The following MACROD2 variants were observed in gnomAD, a reference collection of about 807,000 sequenced individuals.
MACROD2 encodes the protein mono-ADP ribosylhydrolase 2.
In MACROD2, 36 loss-of-function variants were observed where a neutral mutation model predicts 70.4. The observed-to-expected ratio is 0.51, with a 90% CI of 0.39 to 0.68. The LOEUF (loss-of-function observed/expected upper bound fraction) is 0.68. Among genes scored for constraint, MACROD2 ranks in the 30% least tolerant of loss-of-function variants. The pLI is 0.00. For missense variants in MACROD2, 496 were observed against 538.4 expected (o/e 0.92, Z 0.78); for synonymous variants, 172 against 178.8 (o/e 0.96, Z 0.30).
chr20:15,067,714 T>A (rs1291365197), intron 5 of MACROD2, among the ~76,000 whole-genome samples: 1 of 152,206 alleles, frequency 6.6e-6, no homozygotes, highest in Non-Finnish European at 1.5e-5. Flanking sequence ...AAACATGGCA[T>A]ACACATTGTA....
chr20:14,753,203 A>G (rs1404101531), intron 5 of MACROD2, among the ~76,000 whole-genome samples: 1 of 152,112 alleles, frequency 6.6e-6, no homozygotes, highest in Admixed American at 6.5e-5. Context: ...ACATGCCTCT[A>G]CTATACACCA....
intron 4 of MACROD2, among the ~76,000 whole-genome samples, chr20:14,525,986 A>G (rs1371146777): frequency 2.0e-5 from 3 of 152,142 alleles, no homozygotes; most frequent in Non-Finnish European, 4.4e-5. Flanking sequence ...CATAAAATTG[A>G]TTTCTAAGGG....
At chr20:15,674,116 A>G (rs1397731784) in intron 8 of MACROD2, among the ~76,000 whole-genome samples, 1 of 152,196 alleles carries the variant, frequency 6.6e-6, no homozygotes, top group Non-Finnish European at 1.5e-5. Flanking sequence ...CTGCGTTTCT[A>G]ACAATCTCAG....
chr20:14,473,670 T>C (rs570703024), intron 3 of MACROD2, among the ~76,000 whole-genome samples: 3 of 152,332 alleles, frequency 2.0e-5, no homozygotes. Context: ...TACCTAGAAG[T>C]AGGATTAAAG....
At chr20:14,956,175 C>A (rs2074535315) in intron 5 of MACROD2, among the ~76,000 whole-genome samples, 1 of 152,026 alleles carries the variant, frequency 6.6e-6, no homozygotes, top group South Asian at 2.1e-4. Context: ...GGAAAAAAGC[C>A]TTGTTTACTT....
chr20:15,708,852 T>G (rs879448262), intron 8 of MACROD2, among the ~76,000 whole-genome samples: 1 of 151,650 alleles, frequency 6.6e-6, no homozygotes, highest in Non-Finnish European at 1.5e-5. Flanking sequence ...TAGCAAGACC[T>G]CATCTCTACA....
intron 5 of MACROD2, among the ~76,000 whole-genome samples, chr20:15,041,301 T>C (rs1186175077): frequency 6.6e-6 from 1 of 152,188 alleles, no homozygotes; most frequent in African/African-American, 2.4e-5. Flanking sequence ...ATATTCTTCA[T>C]AATATTAACA....
chr20:15,805,118 T>G (rs2063757473), intron 8 of MACROD2, among the ~76,000 whole-genome samples: 1 of 152,174 alleles, frequency 6.6e-6, no homozygotes, highest in Non-Finnish European at 1.5e-5. Flanking sequence ...TATACTTAAA[T>G]CTGTGTCTTT....
At chr20:16,031,666 A>C (rs1394675126) in intron 15 of MACROD2, among the ~76,000 whole-genome samples, 1 of 152,144 alleles carries the variant, frequency 6.6e-6, no homozygotes, top group African/African-American at 2.4e-5. Flanking sequence ...ATGCTCATCG[A>C]TATATAGTAA....
intron 5 of MACROD2, among the ~76,000 whole-genome samples, chr20:14,818,229 G>T (rs1293835642): frequency 6.6e-6 from 1 of 152,208 alleles, no homozygotes; most frequent in East Asian, 1.9e-4. Context: ...GCACAGTCAG[G>T]GTAATGGGCA....
At chr20:15,523,924 C>T (rs888477790) in intron 8 of MACROD2, among the ~76,000 whole-genome samples, 3 of 152,110 alleles carry the variant, frequency 2.0e-5, no homozygotes, top group East Asian at 3.9e-4. Flanking sequence ...GCACCAGCCT[C>T]GTGATCTAGG....
chr20:16,022,489 A>G (rs2067017023), intron 15 of MACROD2, among the ~76,000 whole-genome samples: 1 of 152,208 alleles, frequency 6.6e-6, no homozygotes, highest in African/African-American at 2.4e-5. Flanking sequence ...CAGTAAGCCA[A>G]TGACTCTCAA....
At chr20:14,191,765 G>C (rs1361200408) in intron 3 of MACROD2, among the ~76,000 whole-genome samples, 1 of 152,234 alleles carries the variant, frequency 6.6e-6, no homozygotes, top group Non-Finnish European at 1.5e-5. Flanking sequence ...GTGTGTGTAT[G>C]CTTGGCATGT....
intron 5 of MACROD2, among the ~76,000 whole-genome samples, chr20:15,068,671 G>A (rs2075596110): frequency 6.6e-6 from 1 of 152,116 alleles, no homozygotes; most frequent in African/African-American, 2.4e-5. Context: ...TAAGCTTCCT[G>A]AAGCTTCATC....
At chr20:15,978,527 G>A (rs189136442) in intron 13 of MACROD2, among the ~76,000 whole-genome samples, 244 of 151,998 alleles carry the variant, frequency 1.6e-3, no homozygotes, top group Admixed American at 7.8e-3. Flanking sequence ...GGCTGCCTCC[G>A]CTGACTGTGG....
chr20:15,516,277 T>C (rs905584682), intron 8 of MACROD2, among the ~76,000 whole-genome samples: 4 of 152,208 alleles, frequency 2.6e-5, no homozygotes, highest in Non-Finnish European at 5.9e-5. Context: ...AACCTGTTTC[T>C]GAAAGGAAAA....
At chr20:15,220,847 C>A (rs1209711115) in intron 5 of MACROD2, among the ~76,000 whole-genome samples, 1 of 152,162 alleles carries the variant, frequency 6.6e-6, no homozygotes, top group Non-Finnish European at 1.5e-5. Context: ...AGTCATGGAA[C>A]AATTGCCCTA....
intron 5 of MACROD2, among the ~76,000 whole-genome samples, chr20:14,728,683 A>T (rs1258209221): frequency 1.3e-5 from 2 of 151,508 alleles, no homozygotes; most frequent in Admixed American, 6.6e-5. Flanking sequence ...TTATTTATTT[A>T]AAAAAATTAG....
intron 12 of MACROD2, among the ~76,000 whole-genome samples, chr20:15,948,532 C>A (rs2065861083): frequency 6.6e-6 from 1 of 150,464 alleles, no homozygotes; most frequent in Non-Finnish European, 1.5e-5. Context: ...TCAGAATTCT[C>A]TTGTTTCAGA....
Sources: allele counts gnomAD v4.1 joint callset (sites outside exome capture counted in the v4.1 genomes callset), GRCh38; gene constraint gnomAD v4.1.1; transcripts MANE v1.5; gene names NCBI Gene and HGNC (gene_info 2026-07-23, HGNC 2026-07-21).